Variants in DAB2IP observed in about 807,000 individuals in gnomAD.
DAB2IP encodes the protein DAB2 interacting protein, also known as disabled homolog 2-interacting protein.
Under a neutral mutation model 107.2 loss-of-function variants are expected in DAB2IP, and 28 were observed. The ratio of observed to expected loss-of-function variants is 0.26; its 90% confidence interval spans 0.19 to 0.36. DAB2IP has a LOEUF of 0.36. Ranked by LOEUF, DAB2IP falls within the 10% of genes least tolerant of loss-of-function variation. The pLI is 1.00. For synonymous variants in DAB2IP, 755 were observed against 706.4 expected, an observed-to-expected ratio of 1.07 and a Z score of -1.09; for missense variants, 1,400 against 1,644.7, an observed-to-expected ratio of 0.85 and a Z score of 2.57.
chr9:121,629,223 C>A (rs969372807), intron 1 of DAB2IP, among the ~76,000 whole-genome samples: 1 of 152,224 alleles, frequency 6.6e-6, no homozygotes, highest in African/African-American at 2.4e-5. Flanking sequence ...AAAGCAGTCC[C>A]TCAGGGACAT....
At chr9:121,652,743 G>A (rs10818580) in intron 1 of DAB2IP, among the ~76,000 whole-genome samples, 30,203 of 152,114 alleles carry the variant, frequency 0.2, 3,705 homozygotes, top group South Asian at 0.32. Context: ...GCCGGGCCCT[G>A]TGCCAACAAA....
intron 1 of DAB2IP, among the ~76,000 whole-genome samples, chr9:121,590,826 A>G (rs1351734110): frequency 1.3e-5 from 2 of 152,210 alleles, no homozygotes; most frequent in Non-Finnish European, 2.9e-5. Flanking sequence ...ACAACAATGA[A>G]GAAAACCAGG....
At chr9:121,743,612 C>T (rs973768998) in intron 3 of DAB2IP, among the ~76,000 whole-genome samples, 1 of 152,290 alleles carries the variant, frequency 6.6e-6, no homozygotes, top group Admixed American at 6.5e-5. Context: ...TGTCTGGGAT[C>T]AGGGCGGGGC....
intron 1 of DAB2IP, among the ~76,000 whole-genome samples, chr9:121,610,391 T>C (rs1213563457): frequency 1.3e-5 from 2 of 152,180 alleles, no homozygotes; most frequent in African/African-American, 4.8e-5. Flanking sequence ...CATTTAGTTC[T>C]CACAATAGAC....
At chr9:121,763,904 C>T (rs1217256177) in intron 8 of DAB2IP, 25 bp downstream of exon 8, 5 of 1,609,496 alleles carry the variant, frequency 3.1e-6, no homozygotes, top group Admixed American at 1.7e-5. Context: ...CAGGTCTCCC[C>T]ACCCTGTCGC....
chr9:121,644,529 G>A lies in DAB2IP; in HGVS notation c.41-34149G>A, dbSNP rs145038174. Among the ~76,000 whole-genome samples, 1,497 of 152,136 alleles carry A rather than the reference G, an allele frequency of 9.8e-3. 21 individuals carry two copies. Among genetic ancestry groups the A allele is most frequent in the African/African-American group, 0.035 (1,442 of 41,478 alleles). ...GGAGAATTGTTTGAACCTGGGAGGC[G>A]GAGGTTGCAGTGAGCTGAGATCGAG... is the stretch of plus-strand genomic sequence containing the variant. On this transcript the variant is annotated intron_variant, in intron 1 of 16. Coordinates refer to the DAB2IP transcript ENST00000259371.
At chr9:121,602,514 C>T (rs1159866423) in intron 1 of DAB2IP, among the ~76,000 whole-genome samples, 1 of 152,196 alleles carries the variant, frequency 6.6e-6, no homozygotes, top group East Asian at 1.9e-4. Context: ...CCACCTCAGC[C>T]TCTTTAGTAA....
intron 1 of DAB2IP, among the ~76,000 whole-genome samples, chr9:121,578,800 G>A (rs903370728): frequency 1.7e-5 from 2 of 120,896 alleles, no homozygotes; most frequent in Admixed American, 1.1e-4. Flanking sequence ...GAGTGCAGAG[G>A]CACGATCTTG....
intron 3 of DAB2IP, among the ~76,000 whole-genome samples, chr9:121,718,320 TG>T (rs1299347374): frequency 6.6e-6 from 1 of 152,166 alleles, no homozygotes; most frequent in African/African-American, 2.4e-5. Flanking sequence ...AAGGGAGGCG[TG>T]GGCGGGGGTC....
chr9:121,763,992 C>CAAGT, intron 8 of DAB2IP, 113 bp downstream of exon 8: 1 of 1,440,984 alleles, frequency 6.9e-7, no homozygotes. Context: ...TACTGACTTG[C>CAAGT]CAGTCCCCTG....
At chr9:121,569,041 A>T (rs1038267790) in intron 1 of DAB2IP, among the ~76,000 whole-genome samples, 1 of 152,238 alleles carries the variant, frequency 6.6e-6, no homozygotes, top group Admixed American at 6.5e-5. Flanking sequence ...AGGGACAGGC[A>T]GGCATGGAGT....
rs1830406358 is a variant in DAB2IP at position 121,712,906 on chromosome 9, G to T, written c.362+13448G>T. ...AGCGTGTGTCTGAGCCCCTGGGAGGGCGTACAGGATGCTCTGCTTCCCATC... is the reference window on the plus strand; with the variant it reads ...AGCGTGTGTCTGAGCCCCTGGGAGGTCGTACAGGATGCTCTGCTTCCCATC... On this transcript the variant is annotated intron_variant, in intron 3 of 15. Coordinates refer to ENST00000408936, the Ensembl canonical transcript of DAB2IP. 3.9e-5 allele frequency among the ~76,000 whole-genome samples: 6 copies of T among 152,178 alleles called. No homozygotes were observed. The South Asian group carries it at 1.2e-3, about 32-fold the overall frequency.
intron 2 of DAB2IP, among the ~76,000 whole-genome samples, chr9:121,682,868 G>A (rs930716257): frequency 6.6e-6 from 1 of 152,028 alleles, no homozygotes; most frequent in Admixed American, 6.5e-5. Context: ...CCTATAGGGA[G>A]AGTTGGGGGG....
chr9:121,783,153 C>T, exon 16 of DAB2IP: 3 of 1,087,636 alleles, frequency 2.8e-6, no homozygotes, highest in Non-Finnish European at 3.4e-6. Context: ...AACCTGTCCC[C>T]AGAGCACCAC....
intron 1 of DAB2IP, among the ~76,000 whole-genome samples, chr9:121,623,290 G>A (rs1219864841): frequency 6.6e-6 from 1 of 152,170 alleles, no homozygotes; most frequent in Non-Finnish European, 1.5e-5. Context: ...AGCTTGAGAG[G>A]CCTCCTCTTT....
Position 121,699,299 on chromosome 9 carries a change from TC to T in DAB2IP, c.229-21del. The T allele has an allele frequency of 1.5e-6, 2 of 1,351,466 alleles. No homozygotes were observed. The highest frequency in any genetic ancestry group is 1.9e-6 in the Non-Finnish European group (2 of 1,030,558). 83.7% of individuals were successfully genotyped at this position (1,351,466 alleles called of 1,614,324 possible). A position where few individuals can be genotyped will look rare whatever the true frequency, so the allele number is the denominator to read the frequency against. The stretch of plus-strand genomic sequence containing the variant: ...CCGCCGCGCTAACCCCGCCTCCCCT[TC>T]CCCCTCTTGTCCCCCCGTGCGCAGG... On this transcript the variant is annotated intron_variant, in intron 2 of 15. Coordinates refer to ENST00000408936, the Ensembl canonical transcript of DAB2IP. This position sits in a 1 kb window ranked among gnomAD's most constrained non-coding sequence, Gnocchi z 6.2.
At chr9:121,613,773 G>T (rs1831170863) in intron 1 of DAB2IP, among the ~76,000 whole-genome samples, 1 of 152,216 alleles carries the variant, frequency 6.6e-6, no homozygotes, top group African/African-American at 2.4e-5. Flanking sequence ...GAAGTGCTGG[G>T]ATAGTTGAAA....
At chr9:121,719,359 G>A (rs186563786) in intron 3 of DAB2IP, among the ~76,000 whole-genome samples, 1 of 152,338 alleles carries the variant, frequency 6.6e-6, no homozygotes, top group Admixed American at 6.5e-5. Flanking sequence ...CACAGAAGAA[G>A]TGACAGGAGT....
chr9:121,691,545 A>G (rs1010729764), intron 2 of DAB2IP, among the ~76,000 whole-genome samples: 1 of 151,948 alleles, frequency 6.6e-6, no homozygotes, highest in African/African-American at 2.4e-5. Context: ...AACTATGACC[A>G]TGAAAGTGAT....
Sources: gnomAD v4.1 joint callset for allele counts (sites outside exome capture counted in the v4.1 genomes callset) on GRCh38, gnomAD v4.1.1 for gene constraint, Gnocchi (gnomAD v3.1) non-coding constraint, MANE v1.5 for transcripts, NCBI Gene and HGNC (gene_info 2026-07-23, HGNC 2026-07-21) for gene names.